The following DAB1 variants were observed in gnomAD, a reference collection of about 807,000 sequenced individuals.
DAB1 encodes DAB adaptor protein 1.
Under a neutral mutation model 64.6 loss-of-function variants are expected in DAB1, and 15 were observed. The ratio of observed to expected loss-of-function variants is 0.23; its 90% confidence interval spans 0.16 to 0.36. The LOEUF is 0.36. Ranked by LOEUF, DAB1 falls within the 10% of genes least tolerant of loss-of-function variation. The probability of loss-of-function intolerance (pLI) is 1.00; values close to 1 mark genes in which losing one functional copy is unlikely to be tolerated. For synonymous variants in DAB1, 235 were observed against 251.9 expected (o/e 0.93, Z 0.64); for missense variants, 596 against 706.7 (o/e 0.84, Z 1.78).
chr1:57,390,567 C>T (rs190286626), intron 1 of DAB1, among the ~76,000 whole-genome samples: 2 of 152,282 alleles, frequency 1.3e-5, no homozygotes, highest in African/African-American at 2.4e-5. Flanking sequence ...AATCAGAGCC[C>T]TGGCATATAA....
chr1:57,605,608 G>A (rs989549728), intron 7 of DAB1, among the ~76,000 whole-genome samples: 2 of 152,128 alleles, frequency 1.3e-5, no homozygotes, highest in Non-Finnish European at 2.9e-5. Context: ...CATGGACTGT[G>A]TTTTTATGAG....
chr1:58,321,411 G>A (rs1662678617), intron 4 of DAB1, among the ~76,000 whole-genome samples: 1 of 152,202 alleles, frequency 6.6e-6, no homozygotes, highest in African/African-American at 2.4e-5. Flanking sequence ...GGGACTGGTT[G>A]GACAGTGGGT....
At chr1:58,412,544 C>A (rs532554437) in intron 3 of DAB1, among the ~76,000 whole-genome samples, 2 of 152,298 alleles carry the variant, frequency 1.3e-5, no homozygotes, top group South Asian at 4.1e-4. Context: ...TGTTTTTAAT[C>A]GTGGACACTC....
chr1:57,028,555 C>T (rs1476253679), intron 9 of DAB1, among the ~76,000 whole-genome samples: 1 of 152,228 alleles, frequency 6.6e-6, no homozygotes, highest in East Asian at 1.9e-4. Context: ...CAGAAGAAGA[C>T]AGGAAAATGT....
intron 4 of DAB1, among the ~76,000 whole-genome samples, chr1:58,267,719 A>G (rs952022025): frequency 2.6e-5 from 4 of 152,228 alleles, no homozygotes; most frequent in African/African-American, 9.7e-5. Flanking sequence ...TAAGTATATA[A>G]CAAGAACCTT....
chr1:58,208,778 T>C (rs1658410172), intron 4 of DAB1, among the ~76,000 whole-genome samples: 1 of 152,228 alleles, frequency 6.6e-6, no homozygotes, highest in Non-Finnish European at 1.5e-5. Context: ...TCTCATATAA[T>C]GACTTCTTTT....
chr1:58,008,691 G>A (rs1646623521), intron 5 of DAB1, among the ~76,000 whole-genome samples: 1 of 152,126 alleles, frequency 6.6e-6, no homozygotes. Context: ...AAAATTGTAA[G>A]AAAATTGATT....
rs192667070 is a variant in DAB1, at chr1:57,938,255, G to C, written n.388-54093C>G. On this transcript the variant is annotated intron_variant and non_coding_transcript_variant, in intron 5 of 20. Coordinates refer to the DAB1 transcript ENST00000485760. The stretch of plus-strand genomic sequence containing the variant: ...GCACTTGGATCAATGCTCAGTACAG[G>C]GTTTTAAAAGAATGTGAAATGCAGT... Among the ~76,000 whole-genome samples, 22 of 152,208 alleles carry C rather than the reference G, an allele frequency of 1.4e-4. No homozygotes were observed. The East Asian group carries it at 4.1e-3, about 28-fold the overall frequency.
At chr1:57,816,161 C>G (rs989285170) in intron 6 of DAB1, among the ~76,000 whole-genome samples, 1 of 152,190 alleles carries the variant, frequency 6.6e-6, no homozygotes. Flanking sequence ...AAGTCCTTGT[C>G]TGCCAAATGA....
chr1:58,529,145 T>C (rs1646395256), intron 1 of DAB1, among the ~76,000 whole-genome samples: 1 of 152,206 alleles, frequency 6.6e-6, no homozygotes, highest in Admixed American at 6.5e-5. Flanking sequence ...TAAGAACCTT[T>C]ACTTCAATAT....
chr1:57,980,416 A>C (rs1474870963), intron 5 of DAB1, among the ~76,000 whole-genome samples: 1 of 152,160 alleles, frequency 6.6e-6, no homozygotes, highest in Admixed American at 6.5e-5. Flanking sequence ...ATCTCCCAAC[A>C]ATTGGGAACA....
chr1:57,596,713 C>A (rs1645514582), intron 7 of DAB1, among the ~76,000 whole-genome samples: 1 of 152,134 alleles, frequency 6.6e-6, no homozygotes, highest in Non-Finnish European at 1.5e-5. Context: ...TATGTTTCAG[C>A]CATATTCCAT....
At chr1:58,363,066 T>G (rs912802817) in intron 3 of DAB1, among the ~76,000 whole-genome samples, 11 of 152,152 alleles carry the variant, frequency 7.2e-5, no homozygotes, top group African/African-American at 2.7e-4. Flanking sequence ...ATAACAGCAC[T>G]AACCCATCAG....
intron 9 of DAB1, chr1:57,033,605 A>G (rs1484106018): frequency 3.1e-6 from 5 of 1,589,376 alleles, no homozygotes; most frequent in Non-Finnish European, 4.3e-6. Flanking sequence ...AATGAGGATG[A>G]AGTGAATGAC....
At position 57,551,359 on chromosome 1, in the gene DAB1, C is replaced by G. The variant is rs559450738; in HGVS notation, n.625+98233G>C. On this transcript the variant is annotated intron_variant and non_coding_transcript_variant, in intron 7 of 20. Transcript: ENST00000485760. ...TGCCAGCCTCTCCCTTGGTAGAATCCTGTCTTTCCACAACTGCTGGTTCTG... is the reference window on the plus strand; with the variant it reads ...TGCCAGCCTCTCCCTTGGTAGAATCGTGTCTTTCCACAACTGCTGGTTCTG... Among the ~76,000 whole-genome samples the G allele has an allele frequency of 7.9e-5, 12 of 152,252 alleles. No individual in the cohort carries two copies. In the South Asian group the frequency reaches 2.1e-3, roughly 26 times the overall value.
intron 3 of DAB1, among the ~76,000 whole-genome samples, chr1:58,390,913 G>A (rs77541105): frequency 0.038 from 5,802 of 152,216 alleles, 189 homozygotes; most frequent in Non-Finnish European, 0.054. Flanking sequence ...AGTTCTCCCA[G>A]GGGAGTGTAC....
At chr1:58,223,804 T>C (rs1019455694) in intron 4 of DAB1, among the ~76,000 whole-genome samples, 1 of 152,182 alleles carries the variant, frequency 6.6e-6, no homozygotes, top group Admixed American at 6.5e-5. Flanking sequence ...TCTGGTAATA[T>C]AGTGTACAAT....
intron 1 of DAB1, among the ~76,000 whole-genome samples, chr1:57,859,142 T>G (rs903225117): frequency 1.3e-5 from 2 of 152,128 alleles, no homozygotes; most frequent in African/African-American, 4.8e-5. Context: ...ACCTTTCAGC[T>G]GGGGCTACAA....
At chr1:57,508,180 A>T (rs1294494212) in intron 7 of DAB1, among the ~76,000 whole-genome samples, 2 of 152,158 alleles carry the variant, frequency 1.3e-5, no homozygotes, top group Non-Finnish European at 2.9e-5. Context: ...TTCCCCGAAC[A>T]TTCCAACCTT....
Sources: gnomAD v4.1 joint callset for allele counts (sites outside exome capture counted in the v4.1 genomes callset) on GRCh38, gnomAD v4.1.1 for gene constraint, MANE v1.5 for transcripts, NCBI Gene and HGNC (gene_info 2026-07-23, HGNC 2026-07-21) for gene names.